Variants in ABCC1 observed in about 807,000 individuals in gnomAD.
ABCC1 encodes ATP binding cassette subfamily C member 1 (ABCC1 blood group), also known as multidrug resistance-associated protein 1.
A neutral mutation model predicts 172.9 loss-of-function variants in ABCC1; 83 were observed. The observed-to-expected ratio is 0.48, with a 90% confidence interval of 0.40 to 0.58. ABCC1 has a LOEUF of 0.58. ABCC1 is among the 20% of genes least tolerant of loss of function. ABCC1 has a pLI of 0.00. For synonymous variants in ABCC1, 937 were observed against 825.2 expected, an observed-to-expected ratio of 1.14 and a Z score of -2.32; for missense variants, 1,817 against 2,002.7, an observed-to-expected ratio of 0.91 and a Z score of 1.77.
chr16:15,969,354 G>GC (rs1243752248), intron 1 of ABCC1, among the ~76,000 whole-genome samples: 1 of 151,216 alleles, frequency 6.6e-6, no homozygotes, highest in Non-Finnish European at 1.5e-5. Context: ...TCCTCTTTAG[G>GC]CAGCTGGTCA....
At chr16:16,060,957 C>T (rs532043073) in intron 12 of ABCC1, among the ~76,000 whole-genome samples, 3 of 152,274 alleles carry the variant, frequency 2.0e-5, no homozygotes, top group African/African-American at 4.8e-5. Flanking sequence ...GCTGGGATTA[C>T]AGGCGCCTAC....
intron 9 of ABCC1, among the ~76,000 whole-genome samples, chr16:16,046,995 A>C (rs1390202824): frequency 6.6e-6 from 1 of 152,004 alleles, no homozygotes; most frequent in Non-Finnish European, 1.5e-5. Flanking sequence ...TGGAAGTTCA[A>C]TACCAGCCTG....
intron 1 of ABCC1, among the ~76,000 whole-genome samples, chr16:15,978,986 G>T (rs1311285809): frequency 6.6e-6 from 1 of 152,142 alleles, no homozygotes; most frequent in Non-Finnish European, 1.5e-5. Context: ...AGCAACAGGA[G>T]AAAACATGCA....
intron 12 of ABCC1, 74 bp from the exon 13 acceptor site, chr16:16,068,082 G>A: frequency 1.9e-6 from 3 of 1,586,490 alleles, no homozygotes; most frequent in Non-Finnish European, 2.6e-6. Flanking sequence ...CGCGTCTCCA[G>A]GGCCTGTCAC....
chr16:16,005,103 G>C (rs1161266703), intron 1 of ABCC1, among the ~76,000 whole-genome samples: 1 of 132,992 alleles, frequency 7.5e-6, no homozygotes, highest in Non-Finnish European at 1.6e-5. Flanking sequence ...TTAAAGCTCT[G>C]TGGAGCTGTA....
In ABCC1 at chr16:16,044,493, C is replaced by A. The variant is rs192398298; in HGVS notation, c.853C>A (p.Pro285Thr). ...VVYSSKDPAQ[P>T]KESSKVDANE... ...GTACTCCTCCAAGGATCCTGCCCAGCCGAAAGAGAGTTCCAAGGTGGATGC... is the reference window on the plus strand; with the variant it reads ...GTACTCCTCCAAGGATCCTGCCCAGACGAAAGAGAGTTCCAAGGTGGATGC... Residue 285 changes from proline (P) to threonine (T), a missense_variant, in exon 8 of 31, where the codon CCG becomes ACG. This residue lies in a region of ABCC1 where 398 missense variants were observed against 384.2 expected (regional missense o/e 1.04). Transcript: ENST00000399410. 6 of 1,614,160 alleles carry A rather than the reference C, an allele frequency of 3.7e-6. No individual in the cohort carries two copies. The East Asian group carries it at 8.9e-5, about 24-fold the overall frequency.
rs533486651 is a variant in ABCC1 at position 15,949,906 on chromosome 16, C to G, written c.48+107C>G. The G allele has an allele frequency of 3.1e-3, 3,153 of 1,007,450 alleles. 11 individuals carry two copies. The highest frequency in any genetic ancestry group is 0.011 in the Middle Eastern group (26 of 2,456). The allele number at this position is 1,007,450 out of a possible 1,614,324, so 62.4% of individuals were successfully genotyped here. A position where few individuals can be genotyped will look rare whatever the true frequency, so the allele number is the denominator to read the frequency against. On this transcript the variant is annotated intron_variant, in intron 1 of 30. Transcript: ENST00000399410. ...GGGCACCCCGCTCCCCGCTCTGCTG[C>G]CGGCCTCGGGGGCCCGGGACCCTCA...
At chr16:16,003,271 TGGTA>T (rs1463689414) in intron 1 of ABCC1, among the ~76,000 whole-genome samples, 2 of 83,340 alleles carry the variant, frequency 2.4e-5, no homozygotes, top group Non-Finnish European at 4.4e-5. Flanking sequence ...GTGGATGAAT[TGGTA>T]GGTGGGTGGA....
At chr16:16,132,114 G>A (rs212081) in intron 27 of ABCC1, among the ~76,000 whole-genome samples, 179 bp downstream of exon 27, 54,723 of 151,926 alleles carry the variant, frequency 0.36, 9,942 homozygotes, top group Middle Eastern at 0.39. Flanking sequence ...AGCGCATACA[G>A]CTTGCAGAAG....
At chr16:16,052,631 G>A in intron 10 of ABCC1, 93 bp from the exon 11 acceptor site, 1 of 1,214,998 alleles carries the variant, frequency 8.2e-7, no homozygotes, top group Non-Finnish European at 1.2e-6. Context: ...TTGGTCAGCA[G>A]CATCCACGTG....
chr16:15,987,152 G>A (rs750788084), intron 1 of ABCC1, among the ~76,000 whole-genome samples: 3 of 152,150 alleles, frequency 2.0e-5, no homozygotes, highest in Non-Finnish European at 4.4e-5. Flanking sequence ...GCAACAAAAC[G>A]AGACCCTGTG....
intron 26 of ABCC1, among the ~76,000 whole-genome samples, chr16:16,128,395 C>T (rs1159483982): frequency 1.3e-5 from 2 of 151,740 alleles, no homozygotes; most frequent in South Asian, 2.1e-4. Flanking sequence ...GTGATCCACC[C>T]GCCTCAGCCT....
At chr16:16,095,981 G>GA (rs1024090875) in intron 19 of ABCC1, among the ~76,000 whole-genome samples, 13 of 152,174 alleles carry the variant, frequency 8.5e-5, no homozygotes, top group African/African-American at 3.1e-4. Context: ...AGAGTACAAA[G>GA]AATCAGGAAA....
Position 16,093,023 on chromosome 16 carries a change from G to A in ABCC1, c.2644+2435G>A, listed in dbSNP as rs548091802. Among the ~76,000 whole-genome samples the A allele has an allele frequency of 2.0e-5, 3 of 152,320 alleles. No individual in the cohort carries two copies. In the East Asian group the frequency reaches 5.8e-4, roughly 29 times the overall value. On this transcript the variant is annotated intron_variant, in intron 19 of 30. Coordinates refer to ENST00000399410, the MANE Select transcript of ABCC1 (RefSeq NM_004996.4). The stretch of plus-strand genomic sequence containing the variant: ...AGTTGGATTTTTGTTTCTTGCCAGT[G>A]CATGATAGCTGACATTCCCTTCAGC...
rs750578225 is a variant in ABCC1 at position 16,079,320 on chromosome 16, G to A, written c.1989-32G>A. The A allele has an allele frequency of 1.1e-5, 17 of 1,609,748 alleles. 1 individual carries two copies. The highest frequency in any genetic ancestry group is 8.4e-5 in the Admixed American group (5 of 59,796). The stretch of plus-strand genomic sequence containing the variant: ...ATTAGCCCGGCAGGCCTCATTCAGC[G>A]TGGCTGAGCCAGGTGTGTTGTGTCG... On this transcript the variant is annotated intron_variant, in intron 15 of 30. Coordinates refer to ENST00000399410, the MANE Select transcript of ABCC1 (RefSeq NM_004996.4).
At chr16:16,089,767 C>T (rs534827342) in intron 18 of ABCC1, among the ~76,000 whole-genome samples, 30 of 147,340 alleles carry the variant, frequency 2.0e-4, no homozygotes, top group African/African-American at 6.1e-4. Context: ...ATCCCAGCTA[C>T]GCGGGAGGGA....
At chr16:15,960,473 C>T (rs1249575977) in intron 1 of ABCC1, among the ~76,000 whole-genome samples, 1 of 152,172 alleles carries the variant, frequency 6.6e-6, no homozygotes, top group Non-Finnish European at 1.5e-5. Context: ...CTACTATGTG[C>T]TGCTGCTGCT....
Position 16,068,277 on chromosome 16 carries a change from C to T in ABCC1, c.1799C>T (p.Pro600Leu). 2 of 1,614,126 alleles carry T rather than the reference C, an allele frequency of 1.2e-6. No homozygotes were observed. The highest frequency in any genetic ancestry group is 1.7e-6 in the Non-Finnish European group (2 of 1,180,036). ...CTCCGGTTTCCCCTGAACATTCTCCCCATGGTCATCAGCAGCATCGTGCAG... is the reference window on the plus strand; with the variant it reads ...CTCCGGTTTCCCCTGAACATTCTCCTCATGGTCATCAGCAGCATCGTGCAG... ...NILRFPLNIL[P>L]MVISSIVQAS... Residue 600 changes from proline to leucine, a missense_variant, in exon 13 of 31, where the codon CCC becomes CTC. Coordinates refer to ENST00000399410, the MANE Select transcript of ABCC1 (RefSeq NM_004996.4).
chr16:15,976,501 T>G (rs915797280), intron 1 of ABCC1, among the ~76,000 whole-genome samples: 1 of 152,230 alleles, frequency 6.6e-6, no homozygotes, highest in South Asian at 2.1e-4. Flanking sequence ...ACCCAGGCAG[T>G]CTGTCTCCAG....
Sources: gnomAD v4.1 joint callset for allele counts (sites outside exome capture counted in the v4.1 genomes callset) on GRCh38, gnomAD v4.1.1 for gene constraint, gnomAD v4.1.1 regional missense constraint, MANE v1.5 for transcripts, NCBI Gene and HGNC (gene_info 2026-07-23, HGNC 2026-07-21) for gene names.